The following MEP1A variants were observed in gnomAD, a reference collection of about 807,000 sequenced individuals.
MEP1A encodes meprin A subunit alpha.
In MEP1A, 68 loss-of-function variants were observed where a neutral mutation model predicts 84.5. The observed-to-expected ratio is 0.80, with a 90% CI of 0.66 to 0.98. MEP1A has a LOEUF of 0.98. MEP1A is among the 50% of genes least tolerant of loss of function. The probability of loss-of-function intolerance (pLI) is 0.00; values close to 1 mark genes in which losing one functional copy is unlikely to be tolerated. For missense variants in MEP1A, 887 were observed against 919.9 expected (o/e 0.96, Z 0.46); for synonymous variants, 337 against 336.8 (o/e 1.00, Z -0.01).
chr6:46,834,428 T>TGCAGCGATAAATGACACTGTCATCTGGG (rs1562118098), intron 11 of MEP1A, 150 bp from the exon 12 acceptor site: 2 of 228,052 alleles, frequency 8.8e-6, no homozygotes, highest in Non-Finnish European at 1.5e-5. Flanking sequence ...ACACTTTTTT[T>TGCAGCGATAAATGACACTGTCATCTGGG]ATTTTTATAT....
downstream of MEP1A, among the ~76,000 whole-genome samples, chr6:46,843,975 AG>A (rs1399481286): frequency 6.6e-6 from 1 of 152,240 alleles, no homozygotes; most frequent in African/African-American, 2.4e-5. Flanking sequence ...TATAAAATGT[AG>A]GCTAATCTAT....
At chr6:46,835,112 G>C in intron 12 of MEP1A, 137 bp from the exon 13 acceptor site, 9 of 740,520 alleles carry the variant, frequency 1.2e-5, no homozygotes, top group Non-Finnish European at 2.0e-5. Context: ...GGAATCAGCT[G>C]GATTCAAAGC....
In MEP1A at chr6:46,838,245, T is replaced by C. The variant is rs552292213; in HGVS notation, c.2085-735T>C. On this transcript the variant is annotated intron_variant, in intron 13 of 13. Transcript: ENST00000230588. ...CTCTGCTCTGTAGAATTCTGCTGAGTAGACCTTCTAGTAGGAATGTTTGAA... is the reference window on the plus strand; with the variant it reads ...CTCTGCTCTGTAGAATTCTGCTGAGCAGACCTTCTAGTAGGAATGTTTGAA... 8.5e-5 allele frequency among the ~76,000 whole-genome samples: 13 copies of C among 152,250 alleles called. No homozygotes were observed. The South Asian group carries it at 2.7e-3, about 32-fold the overall frequency.
At chr6:46,797,899 C>G (rs555786967) in intron 3 of MEP1A, among the ~76,000 whole-genome samples, 1 of 46,576 alleles carries the variant, frequency 2.1e-5, no homozygotes, top group Non-Finnish European at 4.4e-5. Context: ...TCCTTCCTTC[C>G]TTCCTTCCTT....
chr6:46,836,793 A>ATTT (rs71536390), intron 13 of MEP1A, among the ~76,000 whole-genome samples: 3 of 142,092 alleles, frequency 2.1e-5, no homozygotes, highest in Non-Finnish European at 4.6e-5. Flanking sequence ...CTGGTCAGGG[A>ATTT]TTTTTTTTTT....
At position 46,839,495 on chromosome 6, in the gene MEP1A, C is replaced by G. The variant is rs1768293056; in HGVS notation, c.*359C>G. 1 of 167,574 alleles carries G rather than the reference C, an allele frequency of 6.0e-6. No individual in the cohort carries two copies. Among genetic ancestry groups the G allele is most frequent in the Non-Finnish European group, 1.3e-5 (1 of 78,656 alleles). 10.4% of individuals were successfully genotyped at this position (167,574 alleles called of 1,614,324 possible). The stretch of plus-strand genomic sequence containing the variant: ...ATGCATGGCTGGCACATTGTTGGCA[C>G]TCAACAATGGTTGAATGAATAAAAC... On this transcript the variant is annotated 3_prime_UTR_variant, in exon 14 of 14. Transcript: ENST00000230588.
chr6:46,800,671 A>G (rs1767180753), intron 5 of MEP1A, among the ~76,000 whole-genome samples: 1 of 152,218 alleles, frequency 6.6e-6, no homozygotes. Flanking sequence ...GAATATTTGT[A>G]TAGAATTGTT....
At chr6:46,825,249 C>A in intron 7 of MEP1A, 23 bp from the exon 8 acceptor site, 2 of 1,523,262 alleles carry the variant, frequency 1.3e-6, no homozygotes, top group Middle Eastern at 1.7e-4. Flanking sequence ...CTGAGAAGGA[C>A]CTGTGGATTC....
chr6:46,795,406 G>A (rs956492176), intron 3 of MEP1A, among the ~76,000 whole-genome samples: 1 of 151,872 alleles, frequency 6.6e-6, no homozygotes, highest in African/African-American at 2.4e-5. Flanking sequence ...GTTCAAGCGA[G>A]TCTCCTGCCT....
chr6:46,842,870 A>G (rs1035688348), downstream of MEP1A, among the ~76,000 whole-genome samples: 14 of 152,112 alleles, frequency 9.2e-5, no homozygotes, highest in African/African-American at 3.4e-4. Flanking sequence ...TATTTCTCAG[A>G]CCAGCCAACA....
rs200353107 is a variant in MEP1A at position 46,829,447 on chromosome 6, G to C, written c.1020G>C (p.Lys340Asn). ...CTCGGATTCTTTACCCAAAGAGGAA[G>C]CAGCAGTGCCTGCAATTTTTCTATA... ...LESRILYPKR[K>N]QQCLQFFYKM... is the part of the protein sequence containing the mutation. The change falls in exon 10 of 14, where the codon AAG (lysine) becomes AAC (asparagine). Residue 340 changes from lysine to asparagine, a missense_variant. Physicochemically the swap from Lys to Asn is moderately conservative, Grantham distance 94. Coordinates refer to ENST00000230588, the MANE Select transcript of MEP1A (RefSeq NM_005588.3). The C allele has an allele frequency of 1.2e-6, 2 of 1,614,196 alleles. No homozygotes were observed. Among genetic ancestry groups the C allele is most frequent in the Non-Finnish European group, 1.7e-6 (2 of 1,180,012 alleles).
In MEP1A at chr6:46,807,771, G is replaced by GAAAA. The variant is rs1260588859; in HGVS notation, c.263-1646_263-1645insAAAA. Among the ~76,000 whole-genome samples, 26 of 34,322 alleles carry GAAAA rather than the reference G, an allele frequency of 7.6e-4. 1 individual carries two copies. In the East Asian group the frequency reaches 0.022, roughly 30 times the overall value. 22.5% of individuals were successfully genotyped at this position (34,322 alleles called of 152,430 possible). ...GAAAGGAAGGAAGGAAGGGAGAAAG[G>GAAAA]AAAGAAAGAAAGAAAGAAAGAAAGA... On this transcript the variant is annotated intron_variant, in intron 5 of 13. Transcript: ENST00000230588.
At chr6:46,805,473 G>T (rs1023367082) in intron 5 of MEP1A, among the ~76,000 whole-genome samples, 1 of 151,798 alleles carries the variant, frequency 6.6e-6, no homozygotes, top group African/African-American at 2.4e-5. Flanking sequence ...TATCTGCTCT[G>T]TTAACCCATT....
chr6:46,810,735 A>T (rs1336706895), intron 6 of MEP1A, among the ~76,000 whole-genome samples: 1 of 151,854 alleles, frequency 6.6e-6, no homozygotes, highest in Non-Finnish European at 1.5e-5. Context: ...TCATTTCCCC[A>T]CTTTATGTTT....
In MEP1A at chr6:46,809,604, G is replaced by A. The variant is rs551330071; in HGVS notation, c.380+67G>A. On this transcript the variant is annotated intron_variant, in intron 6 of 13. Coordinates refer to ENST00000230588, the MANE Select transcript of MEP1A (RefSeq NM_005588.3). ...GGTTCGTAAGAAGTATTCTTTCCCC[G>A]AGTCCCCAAAGTCCAATGTATCATT... 331 of 1,027,792 alleles carry A rather than the reference G, an allele frequency of 3.2e-4. 2 individuals carry two copies. The African/African-American group carries it at 4.8e-3, about 15-fold the overall frequency. The allele number at this position is 1,027,792 out of a possible 1,614,324, so 63.7% of individuals were successfully genotyped here.
At chr6:46,806,929 A>T (rs1351250667) in intron 5 of MEP1A, among the ~76,000 whole-genome samples, 1 of 152,020 alleles carries the variant, frequency 6.6e-6, no homozygotes, top group African/African-American at 2.4e-5. Flanking sequence ...TTCTTTTAAG[A>T]AAAAGTCCTC....
At chr6:46,819,762 T>A in intron 7 of MEP1A, 58 bp downstream of exon 7, 1 of 1,553,622 alleles carries the variant, frequency 6.4e-7, no homozygotes, top group Non-Finnish European at 8.8e-7. Flanking sequence ...AATCCTGAGA[T>A]GACCAAGCCA....
At chr6:46,807,770 G>GGAAAGAAAGAAAGAAAGGAA (rs1767382270) in intron 5 of MEP1A, among the ~76,000 whole-genome samples, 3 of 97,236 alleles carry the variant, frequency 3.1e-5, no homozygotes, top group African/African-American at 1.3e-4. Context: ...AAGGGAGAAA[G>GGAAAGAAAGAAAGAAAGGAA]GAAAGAAAGA....
intron 13 of MEP1A, among the ~76,000 whole-genome samples, chr6:46,837,516 A>G (rs1445599709): frequency 6.6e-6 from 1 of 152,166 alleles, no homozygotes; most frequent in Non-Finnish European, 1.5e-5. Context: ...GGGAAGGCCC[A>G]TCTGTTTCTG....
Sources: gnomAD v4.1 joint callset for allele counts (sites outside exome capture counted in the v4.1 genomes callset) on GRCh38, gnomAD v4.1.1 for gene constraint, MANE v1.5 for transcripts, NCBI Gene and HGNC (gene_info 2026-07-23, HGNC 2026-07-21) for gene names.